The following RBFOX1 variants were observed in gnomAD, a reference collection of about 807,000 sequenced individuals.
RBFOX1 encodes the protein RNA binding fox-1 homolog 1, also known as RNA binding protein fox-1 homolog 1.
RBFOX1 carries 8 observed loss-of-function variants against 57.7 expected under a neutral mutation model. That is an observed-to-expected ratio of 0.14 (90% CI 0.08 to 0.25). RBFOX1 has a LOEUF of 0.25. RBFOX1 is among the 10% of genes least tolerant of loss of function. The pLI, the probability that RBFOX1 is intolerant of heterozygous loss-of-function variation, is 1.00. For synonymous variants in RBFOX1, 326 were observed against 222.4 expected (o/e 1.47, Z -4.15); for missense variants, 611 against 548.5 (o/e 1.11, Z -1.14).
At chr16:6,181,680 T>C (rs902159871) in intron 1 of RBFOX1, among the ~76,000 whole-genome samples, 16 of 152,228 alleles carry the variant, frequency 1.1e-4, no homozygotes, top group African/African-American at 2.6e-4. Context: ...CGTGAAGCCA[T>C]TGGGGATTTT....
At chr16:5,891,660 C>T (rs2058047462) in intron 4 of RBFOX1, among the ~76,000 whole-genome samples, 1 of 152,104 alleles carries the variant, frequency 6.6e-6, no homozygotes, top group Non-Finnish European at 1.5e-5. Context: ...GGGTCCTGGC[C>T]ATGTGCCTAG....
At chr16:7,684,679 T>C (rs1347678925) in intron 14 of RBFOX1, among the ~76,000 whole-genome samples, 1 of 152,072 alleles carries the variant, frequency 6.6e-6, no homozygotes, top group Non-Finnish European at 1.5e-5. Flanking sequence ...TTCTTGCCTT[T>C]CATGGTTTCA....
At chr16:6,163,550 G>C (rs1176609610) in intron 1 of RBFOX1, among the ~76,000 whole-genome samples, 1 of 152,128 alleles carries the variant, frequency 6.6e-6, no homozygotes, top group Non-Finnish European at 1.5e-5. Context: ...ATGTTAATTT[G>C]TTGTTCATTG....
intron 2 of RBFOX1, among the ~76,000 whole-genome samples, chr16:6,574,226 G>A (rs770599498): frequency 1.3e-4 from 19 of 151,946 alleles, no homozygotes; most frequent in Non-Finnish European, 2.2e-4. Context: ...TATCTGTAAA[G>A]TGGGCTCCAG....
At chr16:5,487,341 T>C (rs1201986361) in intron 2 of RBFOX1, among the ~76,000 whole-genome samples, 1 of 152,232 alleles carries the variant, frequency 6.6e-6, no homozygotes, top group African/African-American at 2.4e-5. Context: ...TTCTTCTTTT[T>C]CAATGAATGG....
chr16:7,389,595 G>A lies in RBFOX1; in HGVS notation c.28-128552G>A, dbSNP rs534122587. On this transcript the variant is annotated intron_variant, in intron 4 of 15. Transcript: ENST00000550418. Reference sequence around the variant, plus strand: ...TGCTTTAGCCAAATCCTATGGTAAGGCAAAACACTACCTAAAAACAATAAT... The same window carrying A: ...TGCTTTAGCCAAATCCTATGGTAAGACAAAACACTACCTAAAAACAATAAT... Among the ~76,000 whole-genome samples the A allele has an allele frequency of 2.4e-4, 36 of 152,232 alleles. 1 individual carries two copies. The South Asian group carries it at 6.4e-3, about 27-fold the overall frequency.
chr16:6,410,685 GT>G (rs2093431599), intron 2 of RBFOX1, among the ~76,000 whole-genome samples: 1 of 152,190 alleles, frequency 6.6e-6, no homozygotes, highest in Admixed American at 6.5e-5. Flanking sequence ...GCTGCCTCTG[GT>G]GGGTGCACGT....
intron 4 of RBFOX1, among the ~76,000 whole-genome samples, chr16:7,286,616 AT>A (rs61621368): frequency 0.046 from 4,210 of 90,922 alleles, 74 homozygotes; most frequent in African/African-American, 0.082. Context: ...GGACTGGCTA[AT>A]TTTTTTTTTT....
chr16:7,416,236 A>G (rs754065646), intron 4 of RBFOX1, among the ~76,000 whole-genome samples: 5 of 152,166 alleles, frequency 3.3e-5, no homozygotes, highest in African/African-American at 7.2e-5. Context: ...GGAAACAGAT[A>G]TTATTTCTCC....
intron 4 of RBFOX1, among the ~76,000 whole-genome samples, chr16:7,229,214 G>C (rs897769003): frequency 6.6e-6 from 1 of 152,202 alleles, no homozygotes; most frequent in Non-Finnish European, 1.5e-5. Flanking sequence ...ACATTGCAGT[G>C]TCCCAGTGAT....
chr16:5,700,444 C>T (rs76604481), intron 3 of RBFOX1, among the ~76,000 whole-genome samples: 2,421 of 152,260 alleles, frequency 0.016, 81 homozygotes, highest in African/African-American at 0.054. Flanking sequence ...TATTGGCTCA[C>T]GTTCCTCATG....
intron 2 of RBFOX1, among the ~76,000 whole-genome samples, chr16:6,635,238 T>C (rs1049918465): frequency 6.6e-6 from 1 of 151,140 alleles, no homozygotes. Flanking sequence ...ACTTTCAATT[T>C]ATATATTCAT....
At chr16:7,206,427 AC>A (rs1239487758) in intron 4 of RBFOX1, among the ~76,000 whole-genome samples, 2 of 147,622 alleles carry the variant, frequency 1.4e-5, no homozygotes, top group African/African-American at 5.1e-5. Flanking sequence ...ATATATATAT[AC>A]ATATATGTAT....
chr16:7,615,480 G>T (rs2058292081), intron 10 of RBFOX1, among the ~76,000 whole-genome samples: 1 of 152,282 alleles, frequency 6.6e-6, no homozygotes, highest in Non-Finnish European at 1.5e-5. Flanking sequence ...TCGATTTGCA[G>T]GTAAATTAGA....
chr16:6,710,453 G>C (rs2063522845), intron 3 of RBFOX1, among the ~76,000 whole-genome samples: 1 of 151,888 alleles, frequency 6.6e-6, no homozygotes, highest in South Asian at 2.1e-4. Flanking sequence ...TAATTTTTTG[G>C]AATTTATTGT....
chr16:5,353,464 G>A (rs936233345), intron 1 of RBFOX1, among the ~76,000 whole-genome samples: 2 of 151,594 alleles, frequency 1.3e-5, no homozygotes, highest in Non-Finnish European at 2.9e-5. Flanking sequence ...TTAGGACATT[G>A]ACATTTTTAA....
At position 6,638,906 on chromosome 16, in the gene RBFOX1, T is replaced by G. The variant is rs553981888; in HGVS notation, c.-63-15697T>G. Among the ~76,000 whole-genome samples, 9 of 152,274 alleles carry G rather than the reference T, an allele frequency of 5.9e-5. 1 individual carries two copies. The South Asian group carries it at 1.9e-3, about 32-fold the overall frequency. ...CTAATCTTGTGGAAAGAACCAGTATTCATTTTCTACCAGGAAGCAAAATGC... is the reference window on the plus strand; with the variant it reads ...CTAATCTTGTGGAAAGAACCAGTATGCATTTTCTACCAGGAAGCAAAATGC... On this transcript the variant is annotated intron_variant, in intron 2 of 15. Transcript: ENST00000550418.
intron 3 of RBFOX1, among the ~76,000 whole-genome samples, chr16:6,912,530 C>T (rs1597017596): frequency 6.6e-6 from 1 of 152,110 alleles, no homozygotes; most frequent in Non-Finnish European, 1.5e-5. Flanking sequence ...TAAAGACCTT[C>T]TGAGATTTAG....
chr16:6,925,824 T>C (rs1395265235), intron 3 of RBFOX1, among the ~76,000 whole-genome samples: 2 of 152,156 alleles, frequency 1.3e-5, no homozygotes, highest in Non-Finnish European at 2.9e-5. Flanking sequence ...AAATTACCTT[T>C]GGTGAGTTCC....
Sources: allele counts gnomAD v4.1 joint callset (sites outside exome capture counted in the v4.1 genomes callset), GRCh38; gene constraint gnomAD v4.1.1; transcripts MANE v1.5; gene names NCBI Gene and HGNC (gene_info 2026-07-23, HGNC 2026-07-21).